The following LSMEM1 variants were observed in gnomAD, a reference collection of about 807,000 sequenced individuals.
LSMEM1 encodes leucine-rich single-pass membrane protein 1.
A neutral mutation model predicts 11.3 loss-of-function variants in LSMEM1; 10 were observed. That is an observed-to-expected ratio of 0.89 (90% CI 0.55 to 1.50). The LOEUF is 1.50. LSMEM1 is among the 40% of genes most tolerant of loss of function. The probability of loss-of-function intolerance (pLI) is 0.00; values close to 1 mark genes in which losing one functional copy is unlikely to be tolerated. For synonymous variants in LSMEM1, 65 were observed against 59.3 expected, an observed-to-expected ratio of 1.10 and a Z score of -0.44; for missense variants, 151 against 152.9, an observed-to-expected ratio of 0.99 and a Z score of 0.06.
rs1796220776 is a variant in LSMEM1 at position 112,490,745 on chromosome 7, C to G, written c.*796C>G. The G allele has an allele frequency of 6.6e-6, 1 of 152,130 alleles. No individual in the cohort carries two copies. The highest frequency in any genetic ancestry group is 2.4e-5 in the African/African-American group (1 of 41,424). The allele number at this position is 152,130 out of a possible 1,614,324, so 9.4% of individuals were successfully genotyped here. A position where few individuals can be genotyped will look rare whatever the true frequency, so the allele number is the denominator to read the frequency against. ...CCCTGCTGATTGATTTGGAAGAAAT[C>G]TGATAGATTTGTGGCCTTTCCTAAA... On this transcript the variant is annotated 3_prime_UTR_variant, in exon 4 of 4. Transcript: ENST00000312849.
intron 1 of LSMEM1, among the ~76,000 whole-genome samples, chr7:112,483,143 T>G (rs996265954): frequency 2.0e-5 from 3 of 152,060 alleles, no homozygotes; most frequent in African/African-American, 7.2e-5. Context: ...ATACTTTTTT[T>G]TTTTTTTTAT....
Position 112,484,817 on chromosome 7 carries a change from A to ATGACTCATTCTTCCCAGGACAC in LSMEM1, c.4_25dup (p.Gly9?), listed in dbSNP as rs764475695. 4 of 1,612,952 alleles carry ATGACTCATTCTTCCCAGGACAC rather than the reference A, an allele frequency of 2.5e-6. No individual in the cohort carries two copies. The African/African-American group carries it at 5.3e-5, about 22-fold the overall frequency. The stretch of plus-strand genomic sequence containing the variant: ...ACATCAGTGTTTTCTTCCAGGGACA[A>ATGACTCATTCTTCCCAGGACAC]TGACTCATTCTTCCCAGGACACTGG... On this transcript the variant is annotated frameshift_variant and start_lost, in exon 2 of 4. Coordinates refer to ENST00000312849, the MANE Select transcript of LSMEM1 (RefSeq NM_182597.3). LOFTEE classifies it high-confidence loss of function.
chr7:112,486,973 C>T lies in LSMEM1; in HGVS notation c.178C>T (p.Arg60Trp), dbSNP rs200664329. The T allele has an allele frequency of 5.2e-5, 84 of 1,613,978 alleles. No individual in the cohort carries two copies. Among genetic ancestry groups the T allele is most frequent in the African/African-American group, 3.1e-4 (23 of 74,890 alleles). ...VLGTNSGNGS[R>W]SLFFVGLLIV... ...TGGCACAAACTCAGGAAATGGAAGC[C>T]GGAGTCTGTTTTTTGTGGGGCTGCT... is the stretch of plus-strand genomic sequence containing the variant. Residue 60 changes from arginine to tryptophan, a missense_variant, in exon 3 of 4, where the codon CGG becomes TGG. Transcript: ENST00000312849.
At chr7:112,488,607 A>ATTT (rs1796181849) in intron 3 of LSMEM1, among the ~76,000 whole-genome samples, 1 of 118,188 alleles carries the variant, frequency 8.5e-6, no homozygotes, top group South Asian at 2.5e-4. Flanking sequence ...TATTATTATT[A>ATTT]TTTTTATTTT....
At position 112,486,971 on chromosome 7, in the gene LSMEM1, G is replaced by A. The variant is rs767829946; in HGVS notation, c.176G>A (p.Ser59Asn). 2 of 1,614,084 alleles carry A rather than the reference G, an allele frequency of 1.2e-6. No individual in the cohort carries two copies. The highest frequency in any genetic ancestry group is 1.7e-6 in the Non-Finnish European group (2 of 1,180,028). ...CTTGGCACAAACTCAGGAAATGGAA[G>A]CCGGAGTCTGTTTTTTGTGGGGCTG... ...PVLGTNSGNGSRSLFFVGLLI... is the reference protein window; with the variant it reads ...PVLGTNSGNGNRSLFFVGLLI... Residue 59 changes from serine to asparagine, a missense_variant, in exon 3 of 4, where the codon AGC becomes AAC. By Grantham distance (46) the Ser-to-Asn change is conservative. Coordinates refer to ENST00000312849, the MANE Select transcript of LSMEM1 (RefSeq NM_182597.3).
chr7:112,486,341 TG>T (rs757685662), intron 2 of LSMEM1: 91 of 450,600 alleles, frequency 2.0e-4, no homozygotes, highest in Non-Finnish European at 3.7e-4. Flanking sequence ...ATTCATGTTC[TG>T]CTATTTCAGT....
Position 112,487,003 on chromosome 7 carries a change from G to T in LSMEM1, c.208G>T (p.Val70Leu), listed in dbSNP as rs1201237451. The change falls in exon 3 of 4, where the codon GTG becomes TTG. Residue 70 changes from valine to leucine, a missense_variant. Coordinates refer to ENST00000312849, the MANE Select transcript of LSMEM1 (RefSeq NM_182597.3). ...TCTGTTTTTTGTGGGGCTGCTAATT[G>T]TGCTGATTGTCAGCCTGGCACTGGT... ...RSLFFVGLLI[V>L]LIVSLALVFF... The T allele has an allele frequency of 6.2e-7, 1 of 1,614,142 alleles. No homozygotes were observed. The highest frequency in any genetic ancestry group is 8.5e-7 in the Non-Finnish European group (1 of 1,180,002).
chr7:112,486,502 C>T (rs909147503), intron 2 of LSMEM1: 3 of 361,126 alleles, frequency 8.3e-6, no homozygotes, highest in Non-Finnish European at 1.7e-5. Context: ...CACGGCCGGG[C>T]GCCGTGGCTC....
At chr7:112,486,311 C>T (rs764374156) in intron 2 of LSMEM1, 1 of 435,686 alleles carries the variant, frequency 2.3e-6, no homozygotes, top group Non-Finnish European at 4.6e-6. Context: ...CTTCTATATT[C>T]CCTCTCCCCA....
intron 3 of LSMEM1, among the ~76,000 whole-genome samples, chr7:112,488,511 A>G (rs1796180344): frequency 6.6e-6 from 1 of 152,078 alleles, no homozygotes; most frequent in Admixed American, 6.6e-5. Flanking sequence ...TTGAGTCATT[A>G]CTCTGTCCCA....
chr7:112,483,482 C>T (rs890608379), intron 1 of LSMEM1: 2 of 152,164 alleles, frequency 1.3e-5, no homozygotes, highest in Non-Finnish European at 2.9e-5. Flanking sequence ...TAGGATTCGT[C>T]CCTACTCTAA....
chr7:112,487,558 T>C (rs1796157401), intron 3 of LSMEM1, among the ~76,000 whole-genome samples: 2 of 152,254 alleles, frequency 1.3e-5, no homozygotes, highest in Non-Finnish European at 2.9e-5. Context: ...TTCTTTCCAA[T>C]TTGATCCTGT....
In LSMEM1 at chr7:112,484,839, CTGGTTCTTG is replaced by C; in HGVS notation, c.27_35del (p.Ser10_Gly12del). ...ACAATGACTCATTCTTCCCAGGACA[CTGGTTCTTG>C]TGGCATTCAGGAAGATGGAAAGCTT... On this transcript the variant is annotated inframe_deletion, in exon 2 of 4. Transcript: ENST00000312849. The C allele has an allele frequency of 6.2e-7, 1 of 1,613,684 alleles. No individual in the cohort carries two copies. Among genetic ancestry groups the C allele is most frequent in the East Asian group, 2.2e-5 (1 of 44,854 alleles).
rs1210909892 is a variant in LSMEM1 at position 112,489,821 on chromosome 7, A to G, written c.268A>G (p.Asn90Asp). 1 of 1,612,204 alleles carries G rather than the reference A, an allele frequency of 6.2e-7. No homozygotes were observed. Among genetic ancestry groups the G allele is most frequent in the Admixed American group, 1.7e-5 (1 of 59,480 alleles). Residue 90 changes from asparagine (N) to aspartate (D), a missense_variant, in exon 4 of 4, where the codon AAC (asparagine) becomes GAC (aspartate). Coordinates refer to ENST00000312849, the MANE Select transcript of LSMEM1 (RefSeq NM_182597.3). ...TTTCTGTTTTGAAGTTCAAACTGGAAACAAGATGGATGATGTGTCAAGAAG... is the reference window on the plus strand; with the variant it reads ...TTTCTGTTTTGAAGTTCAAACTGGAGACAAGATGGATGATGTGTCAAGAAG... ...FVIFLIVQTG[N>D]KMDDVSRRLT...
At chr7:112,489,721 C>A in intron 3 of LSMEM1, 89 bp from the exon 4 acceptor site, 1 of 1,436,770 alleles carries the variant, frequency 7.0e-7, no homozygotes. Context: ...TGTCTTTCAG[C>A]ATCAGCTGAG....
chr7:112,484,330 C>T (rs1796086864), intron 1 of LSMEM1, among the ~76,000 whole-genome samples: 1 of 152,206 alleles, frequency 6.6e-6, no homozygotes, highest in African/African-American at 2.4e-5. Flanking sequence ...TGGTAATATT[C>T]TCTTTTTTCA....
At chr7:112,480,811 C>G, upstream of LSMEM1, 1 of 456,236 alleles carries the variant, frequency 2.2e-6, no homozygotes, top group South Asian at 1.5e-5. Flanking sequence ...ATGTCATAAT[C>G]ATATTCTGTC....
upstream of LSMEM1, chr7:112,480,907 A>G (rs1380883116): frequency 6.6e-6 from 3 of 456,106 alleles, no homozygotes; most frequent in Non-Finnish European, 1.3e-5. Flanking sequence ...CAGGATATTT[A>G]TATATGGAAG....
At chr7:112,481,538 A>T (rs1796033790) in intron 1 of LSMEM1, among the ~76,000 whole-genome samples, 192 bp downstream of exon 1, 1 of 152,242 alleles carries the variant, frequency 6.6e-6, no homozygotes, top group Non-Finnish European at 1.5e-5. Context: ...ACCATGACTC[A>T]TTCAATAACA....
Sources: allele counts gnomAD v4.1 joint callset (sites outside exome capture counted in the v4.1 genomes callset), GRCh38; gene constraint gnomAD v4.1.1; transcripts MANE v1.5; gene names NCBI Gene and HGNC (gene_info 2026-07-23, HGNC 2026-07-21).